KCNN3: variants seen among roughly 807,000 people sequenced by gnomAD.
KCNN3 encodes potassium calcium-activated channel subfamily N member 3, also known as small conductance calcium-activated potassium channel protein 3.
A neutral mutation model predicts 62.9 loss-of-function variants in KCNN3; 16 were observed. The observed-to-expected ratio is 0.25, with a 90% CI of 0.17 to 0.39. The LOEUF is 0.39. KCNN3 is among the 10% of genes least tolerant of loss of function. KCNN3 has a pLI of 1.00. For synonymous variants in KCNN3, 370 were observed against 389.2 expected, an observed-to-expected ratio of 0.95 and a Z score of 0.58; for missense variants, 599 against 949.4, an observed-to-expected ratio of 0.63 and a Z score of 4.85.
At chr1:154,821,880 C>A (rs910271320) in intron 2 of KCNN3, among the ~76,000 whole-genome samples, 3 of 152,226 alleles carry the variant, frequency 2.0e-5, no homozygotes, top group African/African-American at 7.2e-5. Context: ...GACAACTTAA[C>A]AGTTATTCGA....
chr1:154,837,816 C>T (rs1386336876), intron 1 of KCNN3, among the ~76,000 whole-genome samples: 1 of 152,242 alleles, frequency 6.6e-6, no homozygotes, highest in Admixed American at 6.5e-5. Context: ...AAGCAGCTGC[C>T]TCTTGTCACG....
chr1:154,843,720 C>G (rs1483318328), intron 1 of KCNN3, among the ~76,000 whole-genome samples: 2 of 152,142 alleles, frequency 1.3e-5, no homozygotes, highest in African/African-American at 4.8e-5. Context: ...AGTTCTCTCC[C>G]GGAGACTCCT....
chr1:154,728,662 AAAGAG>A lies in KCNN3; in HGVS notation c.1591-2641_1591-2637del, dbSNP rs544450846. ...GGAGAAAAGAGAAGAGAAGAGGAGAAAAGAGAAGAGAAGAGAAGAGAAGGTGGGTG... is the reference window on the plus strand; with the variant it reads ...GGAGAAAAGAGAAGAGAAGAGGAGAAAAGAGAAGAGAAGAGAAGGTGGGTG... On this transcript the variant is annotated intron_variant, in intron 4 of 7. Transcript: ENST00000271915. Among the ~76,000 whole-genome samples, 109 of 151,982 alleles carry A rather than the reference AAAGAG, an allele frequency of 7.2e-4. 1 individual carries two copies. In the South Asian group the frequency reaches 0.011, roughly 15 times the overall value.
intron 3 of KCNN3, among the ~76,000 whole-genome samples, chr1:154,764,502 A>T (rs1648169997): frequency 6.6e-6 from 1 of 152,154 alleles, no homozygotes; most frequent in Non-Finnish European, 1.5e-5. Context: ...TGCTACTGTT[A>T]TTCTTGTTAT....
chr1:154,826,588 G>A (rs948801821), intron 1 of KCNN3, among the ~76,000 whole-genome samples: 4 of 152,352 alleles, frequency 2.6e-5, no homozygotes, highest in Admixed American at 2.6e-4. Flanking sequence ...TGCTCTGGCG[G>A]CCACGCCTTG....
At chr1:154,829,875 G>A (rs1651313872) in intron 1 of KCNN3, among the ~76,000 whole-genome samples, 1 of 152,108 alleles carries the variant, frequency 6.6e-6, no homozygotes, top group Non-Finnish European at 1.5e-5. Context: ...GTCTCCCATT[G>A]GCACTGCCCA....
intron 3 of KCNN3, among the ~76,000 whole-genome samples, chr1:154,738,258 G>C (rs1304655970): frequency 6.6e-6 from 1 of 152,074 alleles, no homozygotes; most frequent in Non-Finnish European, 1.5e-5. Flanking sequence ...CAAATACAAA[G>C]AACCAGAAAT....
intron 3 of KCNN3, among the ~76,000 whole-genome samples, chr1:154,764,740 T>C (rs1469840842): frequency 1.3e-5 from 2 of 152,220 alleles, no homozygotes; most frequent in African/African-American, 4.8e-5. Flanking sequence ...ACATCCACTC[T>C]TTCCAGAATC....
chr1:154,768,628 G>A (rs183959212), intron 3 of KCNN3, among the ~76,000 whole-genome samples: 6 of 152,268 alleles, frequency 3.9e-5, no homozygotes, highest in East Asian at 1.9e-4. Flanking sequence ...AAATCCCCTC[G>A]GGAGCTTGCT....
At chr1:154,784,131 G>A (rs1379960687) in intron 2 of KCNN3, among the ~76,000 whole-genome samples, 1 of 152,154 alleles carries the variant, frequency 6.6e-6, no homozygotes, top group African/African-American at 2.4e-5. Context: ...TATATTTGAA[G>A]CAGTAAGGCC....
intron 4 of KCNN3, among the ~76,000 whole-genome samples, chr1:154,731,735 G>A (rs1283988980): frequency 6.6e-6 from 1 of 152,064 alleles, no homozygotes. Context: ...TGTGAGGGGG[G>A]CTGTGGACGG....
chr1:154,753,091 C>T (rs1162376786), intron 3 of KCNN3, among the ~76,000 whole-genome samples: 1 of 152,188 alleles, frequency 6.6e-6, no homozygotes, highest in Non-Finnish European at 1.5e-5. Flanking sequence ...TTTAAGAATA[C>T]TGGTAACTAA....
In KCNN3 at chr1:154,702,790, G is replaced by C. The variant is rs1021592982; in HGVS notation, c.*5186C>G. On this transcript the variant is annotated 3_prime_UTR_variant, in exon 8 of 8. Coordinates refer to ENST00000271915, the MANE Select transcript of KCNN3 (RefSeq NM_002249.6). ...GCTATAAATGTCAACATCTCTTTGG[G>C]ATCCTAACTGCAGGTTGGAGTTGAA... 7.2e-6 allele frequency: 1 copy of C among 139,754 alleles called. No individual in the cohort carries two copies. The highest frequency in any genetic ancestry group is 2.1e-4 in the East Asian group (1 of 4,664). 8.7% of individuals were successfully genotyped at this position (139,754 alleles called of 1,614,324 possible). A position where few individuals can be genotyped will look rare whatever the true frequency, so the allele number is the denominator to read the frequency against.
At chr1:154,723,009 C>T (rs1700389830) in intron 5 of KCNN3, among the ~76,000 whole-genome samples, 1 of 152,114 alleles carries the variant, frequency 6.6e-6, no homozygotes, top group African/African-American at 2.4e-5. Flanking sequence ...GGATTACAGG[C>T]GTGAGCCACC....
rs6664802 is a variant in KCNN3, at chr1:154,828,874, C to G, written c.934-6690G>C. Among the ~76,000 whole-genome samples, 305 of 152,334 alleles carry G rather than the reference C, an allele frequency of 2.0e-3. 1 individual carries two copies. Among genetic ancestry groups the G allele is most frequent in the African/African-American group, 7.1e-3 (296 of 41,572 alleles). Reference sequence around the variant, plus strand: ...GGCTGCAATAATTTATAAAGATATCCCTGAGGCATTTCAGAAAGACACCTT... The same window carrying G: ...GGCTGCAATAATTTATAAAGATATCGCTGAGGCATTTCAGAAAGACACCTT... On this transcript the variant is annotated intron_variant, in intron 1 of 7. Coordinates refer to ENST00000271915, the MANE Select transcript of KCNN3 (RefSeq NM_002249.6).
chr1:154,775,019 G>T (rs915445902), intron 2 of KCNN3, among the ~76,000 whole-genome samples: 1 of 152,260 alleles, frequency 6.6e-6, no homozygotes, highest in Non-Finnish European at 1.5e-5. Flanking sequence ...GCGTGGATTT[G>T]CGGGGGCTGG....
At chr1:154,801,246 T>C (rs942949906) in intron 2 of KCNN3, among the ~76,000 whole-genome samples, 21 of 152,262 alleles carry the variant, frequency 1.4e-4, no homozygotes, top group African/African-American at 4.6e-4. Context: ...CCCGGCAAAG[T>C]AGAAGAAGGC....
rs1269388204 is a variant in KCNN3 at position 154,707,181 on chromosome 1, G to C, written c.*795C>G. ...GAAACTCAGAATGTGGCCAGAACTA[G>C]CTAACTACCTGAACTGAAAGCACCC... On this transcript the variant is annotated 3_prime_UTR_variant, in exon 8 of 8. Transcript: ENST00000271915. 1 of 152,206 alleles carries C rather than the reference G, an allele frequency of 6.6e-6. No individual in the cohort carries two copies. Among genetic ancestry groups the C allele is most frequent in the Non-Finnish European group, 1.5e-5 (1 of 68,040 alleles). 9.4% of individuals were successfully genotyped at this position (152,206 alleles called of 1,614,324 possible). A position where few individuals can be genotyped will look rare whatever the true frequency, so the allele number is the denominator to read the frequency against.
rs910617159 is a variant in KCNN3 at position 154,704,672 on chromosome 1, T to C, written c.*3304A>G. 6.6e-6 allele frequency: 1 copy of C among 152,188 alleles called. No individual in the cohort carries two copies. The highest frequency in any genetic ancestry group is 1.5e-5 in the Non-Finnish European group (1 of 68,042). 9.4% of individuals were successfully genotyped at this position (152,188 alleles called of 1,614,324 possible). On this transcript the variant is annotated 3_prime_UTR_variant, in exon 8 of 8. Coordinates refer to ENST00000271915, the MANE Select transcript of KCNN3 (RefSeq NM_002249.6). ...TGTCACTGAGTTGTCAGAAAGATTATAGTAGGGGATCTGCCATTGGGTCAG... is the reference window on the plus strand; with the variant it reads ...TGTCACTGAGTTGTCAGAAAGATTACAGTAGGGGATCTGCCATTGGGTCAG...
Sources: allele counts gnomAD v4.1 joint callset (sites outside exome capture counted in the v4.1 genomes callset), GRCh38; gene constraint gnomAD v4.1.1; transcripts MANE v1.5; gene names NCBI Gene and HGNC (gene_info 2026-07-23, HGNC 2026-07-21).